The following RGS7 variants were observed in gnomAD, a reference collection of about 807,000 sequenced individuals.
RGS7 encodes the protein regulator of G-protein signaling 7.
A neutral mutation model predicts 81.1 loss-of-function variants in RGS7; 27 were observed. The ratio of observed to expected loss-of-function variants is 0.33; its 90% confidence interval spans 0.25 to 0.46. The LOEUF is 0.46. Ranked by LOEUF, RGS7 falls within the 20% of genes least tolerant of loss-of-function variation. RGS7 has a pLI of 1.00. For synonymous variants in RGS7, 208 were observed against 207.7 expected (o/e 1.00, Z -0.01); for missense variants, 396 against 607.4 (o/e 0.65, Z 3.66).
At chr1:240,808,087 G>A (rs1464451040) in intron 14 of RGS7, among the ~76,000 whole-genome samples, 4 of 149,286 alleles carry the variant, frequency 2.7e-5, no homozygotes, top group Admixed American at 6.7e-5. Flanking sequence ...GGGAGCAGAA[G>A]TGTTGAAATT....
intron 6 of RGS7, among the ~76,000 whole-genome samples, chr1:240,911,848 T>C (rs926923241): frequency 6.6e-6 from 1 of 151,988 alleles, no homozygotes; most frequent in African/African-American, 2.4e-5. Context: ...TACTGTACTT[T>C]AAAGATTTTC....
chr1:241,122,010 C>G (rs2066303780), intron 2 of RGS7, among the ~76,000 whole-genome samples: 1 of 152,108 alleles, frequency 6.6e-6, no homozygotes, highest in African/African-American at 2.4e-5. Context: ...AGGCTTAATT[C>G]TTTTTCTGAA....
At chr1:241,043,540 A>G (rs1246308227) in intron 3 of RGS7, among the ~76,000 whole-genome samples, 1 of 145,976 alleles carries the variant, frequency 6.9e-6, no homozygotes, top group Non-Finnish European at 1.5e-5. Context: ...ATATAGATAT[A>G]TCATATATAA....
chr1:240,970,004 A>T (rs1349290786), intron 4 of RGS7, among the ~76,000 whole-genome samples: 1 of 152,202 alleles, frequency 6.6e-6, no homozygotes, highest in Non-Finnish European at 1.5e-5. Context: ...GTTCAGAATA[A>T]TATATATCAA....
intron 4 of RGS7, among the ~76,000 whole-genome samples, chr1:240,980,179 G>A (rs1470258292): frequency 1.3e-5 from 2 of 152,126 alleles, no homozygotes; most frequent in Non-Finnish European, 2.9e-5. Flanking sequence ...AGCCAAATGT[G>A]TCCTGGATTG....
At chr1:241,120,541 T>A (rs902522645) in intron 2 of RGS7, among the ~76,000 whole-genome samples, 1 of 152,080 alleles carries the variant, frequency 6.6e-6, no homozygotes, top group African/African-American at 2.4e-5. Context: ...AGATGGAGTC[T>A]TGCTATGTTG....
intron 2 of RGS7, among the ~76,000 whole-genome samples, chr1:241,190,544 A>G (rs1440913935): frequency 3.3e-5 from 5 of 152,162 alleles, no homozygotes. Flanking sequence ...ATTTTGTAAG[A>G]TTTACACCTA....
In RGS7 at chr1:241,050,987, T is replaced by G. The variant is rs548731071; in HGVS notation, c.175+47679A>C. 2.2e-4 allele frequency among the ~76,000 whole-genome samples: 34 copies of G among 152,206 alleles called. No individual in the cohort carries two copies. In the South Asian group the frequency reaches 7.1e-3, roughly 32 times the overall value. ...TGCAGATTTTTGATGGTGAGGGAGA[T>G]TGGCACTTCTAACCCCCACATTGTT... On this transcript the variant is annotated intron_variant, in intron 3 of 18. Transcript: ENST00000440928.
intron 6 of RGS7, among the ~76,000 whole-genome samples, chr1:240,873,266 G>A (rs905763215): frequency 6.6e-6 from 1 of 152,018 alleles, no homozygotes; most frequent in African/African-American, 2.4e-5. Context: ...ATGAAATATT[G>A]AAAATATCAA....
intron 2 of RGS7, among the ~76,000 whole-genome samples, chr1:241,213,212 T>C (rs2686226): frequency 0.81 from 123,088 of 152,186 alleles, 49,769 homozygotes; most frequent in Admixed American, 0.83. Flanking sequence ...TGAGACTTTG[T>C]AGTGTCATGA....
intron 4 of RGS7, among the ~76,000 whole-genome samples, chr1:240,952,895 A>G (rs1376669393): frequency 6.6e-6 from 1 of 151,968 alleles, no homozygotes; most frequent in Non-Finnish European, 1.5e-5. Flanking sequence ...TATCTAATAC[A>G]GAAGCAATAT....
chr1:241,269,002 C>T (rs1915868), intron 2 of RGS7, among the ~76,000 whole-genome samples: 3 of 152,158 alleles, frequency 2.0e-5, no homozygotes, highest in Non-Finnish European at 2.9e-5. Flanking sequence ...AATGTGATTC[C>T]TCATTTATTG....
At chr1:241,305,944 G>A (rs1300994470) in intron 2 of RGS7, 1 of 162,904 alleles carries the variant, frequency 6.1e-6, no homozygotes, top group Non-Finnish European at 1.3e-5. Context: ...TTTGTAGAAG[G>A]AAAAAGGTGT....
intron 2 of RGS7, among the ~76,000 whole-genome samples, chr1:241,332,666 CT>C (rs1234766491): frequency 2.6e-5 from 4 of 152,170 alleles, no homozygotes; most frequent in Non-Finnish European, 4.4e-5. Flanking sequence ...TTGTGGAAAG[CT>C]GTTAGGAAAA....
intron 18 of RGS7, among the ~76,000 whole-genome samples, chr1:240,783,164 A>G (rs1684417259): frequency 6.6e-6 from 1 of 152,190 alleles, no homozygotes; most frequent in African/African-American, 2.4e-5. Context: ...TGTCACAATA[A>G]AACTTCCCCT....
chr1:240,984,077 T>C (rs912597540), intron 3 of RGS7, among the ~76,000 whole-genome samples: 1 of 152,174 alleles, frequency 6.6e-6, no homozygotes, highest in Non-Finnish European at 1.5e-5. Context: ...TACTGCACAC[T>C]GTCTATATGT....
At chr1:240,907,532 T>C (rs1350999581) in intron 6 of RGS7, among the ~76,000 whole-genome samples, 1 of 122,426 alleles carries the variant, frequency 8.2e-6, no homozygotes, top group East Asian at 1.9e-4. Context: ...GAGGTTTTCA[T>C]GAAAGAATTT....
intron 2 of RGS7, among the ~76,000 whole-genome samples, chr1:241,259,434 C>T (rs1397488490): frequency 2.6e-5 from 4 of 151,520 alleles, no homozygotes; most frequent in Admixed American, 6.6e-5. Context: ...GCGGGTGGAT[C>T]ACCTGAGATC....
chr1:240,824,394 G>C (rs916295118), intron 10 of RGS7, among the ~76,000 whole-genome samples: 2 of 152,352 alleles, frequency 1.3e-5, no homozygotes, highest in South Asian at 4.1e-4. Flanking sequence ...TCCACTTCCT[G>C]AGCAGCCACA....
Sources: allele counts gnomAD v4.1 joint callset (sites outside exome capture counted in the v4.1 genomes callset), GRCh38; gene constraint gnomAD v4.1.1; transcripts MANE v1.5; gene names NCBI Gene and HGNC (gene_info 2026-07-23, HGNC 2026-07-21).